The following DNAH14 variants were observed in gnomAD, a reference collection of about 807,000 sequenced individuals.
The protein encoded by DNAH14 is axonemal beta dynein heavy chain 14.
Under a neutral mutation model 520.9 loss-of-function variants are expected in DNAH14, and 478 were observed. The ratio of observed to expected loss-of-function variants is 0.92; its 90% CI spans 0.85 to 0.99. DNAH14 has a LOEUF of 0.99. Ranked by LOEUF, DNAH14 falls within the 50% of genes least tolerant of loss-of-function variation. The pLI is 0.00. For synonymous variants in DNAH14, 1,581 were observed against 1,757.2 expected, an observed-to-expected ratio of 0.90 and a Z score of 2.51; for missense variants, 4,831 against 5,234.5, an observed-to-expected ratio of 0.92 and a Z score of 2.38.
At chr1:225,286,053 AAG>A (rs2093733744) in intron 54 of DNAH14, among the ~76,000 whole-genome samples, 1 of 152,246 alleles carries the variant, frequency 6.6e-6, no homozygotes, top group African/African-American at 2.4e-5. Context: ...TAGGCAAGGA[AAG>A]AGAACTACTG....
chr1:225,106,232 A>T lies in DNAH14; in HGVS notation c.3867+5348A>T, dbSNP rs202155813. ...GCCCCCACTCTCTTCTGGCTTGCAG[A>T]GTTTCTGCCGAGAGACCAGCTGTTA... On this transcript the variant is annotated intron_variant, in intron 23 of 85. Transcript: ENST00000682510. 2.2e-4 allele frequency among the ~76,000 whole-genome samples: 33 copies of T among 151,756 alleles called. No homozygotes were observed. The East Asian group carries it at 6.4e-3, about 29-fold the overall frequency.
At chr1:225,055,082 A>T (rs531927514) in intron 17 of DNAH14, among the ~76,000 whole-genome samples, 1 of 149,218 alleles carries the variant, frequency 6.7e-6, no homozygotes, top group African/African-American at 2.5e-5. Flanking sequence ...TGGGAGTTTT[A>T]TTCTACTTTT....
intron 54 of DNAH14, among the ~76,000 whole-genome samples, chr1:225,289,382 G>A (rs2093815449): frequency 6.6e-6 from 1 of 152,136 alleles, no homozygotes; most frequent in Non-Finnish European, 1.5e-5. Flanking sequence ...GCATAAGTCT[G>A]TAAATGTACT....
chr1:224,994,597 C>T (rs1272299779), intron 8 of DNAH14, among the ~76,000 whole-genome samples: 1 of 151,938 alleles, frequency 6.6e-6, no homozygotes, highest in Non-Finnish European at 1.5e-5. Context: ...TGCAGGCAGC[C>T]TATAGTTCAG....
At chr1:225,141,794 C>T (rs1344498637) in intron 28 of DNAH14, among the ~76,000 whole-genome samples, 2 of 152,210 alleles carry the variant, frequency 1.3e-5, no homozygotes, top group Non-Finnish European at 2.9e-5. Context: ...TAACTCAAAA[C>T]TGCCTTCCTC....
chr1:225,104,673 A>T (rs2075852703), intron 23 of DNAH14, among the ~76,000 whole-genome samples: 1 of 152,132 alleles, frequency 6.6e-6, no homozygotes. Context: ...TTATTTGCAT[A>T]GAGGTGTTGA....
intron 27 of DNAH14, among the ~76,000 whole-genome samples, chr1:225,137,158 A>G (rs2079018294): frequency 6.6e-6 from 1 of 152,164 alleles, no homozygotes; most frequent in Non-Finnish European, 1.5e-5. Flanking sequence ...CTGCCAATTC[A>G]TGTATCTCAG....
chr1:224,990,912 C>G (rs1376945160), intron 8 of DNAH14, among the ~76,000 whole-genome samples: 1 of 152,024 alleles, frequency 6.6e-6, no homozygotes, highest in Non-Finnish European at 1.5e-5. Flanking sequence ...ATTCTCACAA[C>G]ATTGTATAAA....
At chr1:225,393,968 A>G (rs533263472) in intron 84 of DNAH14, among the ~76,000 whole-genome samples, 367 of 151,556 alleles carry the variant, frequency 2.4e-3, no homozygotes, top group East Asian at 0.011. Context: ...ACAGGCGCCC[A>G]CCACCACACC....
chr1:225,128,660 C>T (rs964376392), intron 27 of DNAH14, among the ~76,000 whole-genome samples: 17 of 151,812 alleles, frequency 1.1e-4, no homozygotes, highest in Non-Finnish European at 1.9e-4. Context: ...ATTGATGGGA[C>T]GTATCTCAAA....
chr1:225,079,126 T>A, intron 17 of DNAH14, 81 bp from the exon 18 acceptor site: 1 of 1,246,322 alleles, frequency 8.0e-7, no homozygotes, highest in Non-Finnish European at 1.1e-6. Flanking sequence ...CTTATATAAG[T>A]CAGAGAAATT....
At chr1:225,015,683 T>C (rs1257363210) in intron 10 of DNAH14, among the ~76,000 whole-genome samples, 1 of 152,154 alleles carries the variant, frequency 6.6e-6, no homozygotes, top group African/African-American at 2.4e-5. Flanking sequence ...AATAAGCAAA[T>C]GTTATAGTAA....
At chr1:225,394,568 C>A (rs537490854) in intron 84 of DNAH14, among the ~76,000 whole-genome samples, 2 of 152,118 alleles carry the variant, frequency 1.3e-5, no homozygotes, top group Non-Finnish European at 2.9e-5. Flanking sequence ...GAAGGCCAGG[C>A]ACGGTGGCTC....
intron 15 of DNAH14, among the ~76,000 whole-genome samples, chr1:225,048,389 C>G (rs911969809): frequency 1.3e-5 from 2 of 152,132 alleles, no homozygotes; most frequent in Non-Finnish European, 2.9e-5. Flanking sequence ...GTAATCCCAG[C>G]TACTTGGGAG....
intron 10 of DNAH14, among the ~76,000 whole-genome samples, chr1:225,019,081 G>A (rs2065442230): frequency 6.6e-6 from 1 of 152,160 alleles, no homozygotes; most frequent in African/African-American, 2.4e-5. Context: ...TATTGACCTT[G>A]AATGTAAATG....
intron 61 of DNAH14, among the ~76,000 whole-genome samples, chr1:225,319,987 G>A (rs1302169929): frequency 6.6e-6 from 1 of 152,186 alleles, no homozygotes; most frequent in Non-Finnish European, 1.5e-5. Context: ...AGTAACAGGG[G>A]CCAGTTCTTC....
Position 225,043,786 on chromosome 1 carries a change from ATGAG to A in DNAH14, c.1813_1814+2del. ...GAGTTTGAGAATAAATACATGTATT[ATGAG>A]TAAGTATTAGACATTTTAAAAATTA... On this transcript the variant is annotated splice_donor_variant and coding_sequence_variant, in exon 14 of 86. Transcript: ENST00000682510. LOFTEE classifies it high-confidence loss of function. The A allele has an allele frequency of 6.8e-7, 1 of 1,463,400 alleles. No homozygotes were observed. The highest frequency in any genetic ancestry group is 9.3e-7 in the Non-Finnish European group (1 of 1,069,876). 90.7% of individuals were successfully genotyped at this position (1,463,400 alleles called of 1,614,324 possible). A position where few individuals can be genotyped will look rare whatever the true frequency, so the allele number is the denominator to read the frequency against.
intron 36 of DNAH14, 27 bp downstream of exon 36, chr1:225,168,055 T>C: frequency 7.9e-7 from 1 of 1,263,100 alleles, no homozygotes; most frequent in Non-Finnish European, 1.1e-6. Flanking sequence ...ATGTTAGCAA[T>C]CCTTTGCCTG....
intron 36 of DNAH14, among the ~76,000 whole-genome samples, chr1:225,175,323 C>T (rs938383189): frequency 6.6e-6 from 1 of 152,124 alleles, no homozygotes; most frequent in African/African-American, 2.4e-5. Flanking sequence ...CTTTATTACT[C>T]ATTATTGACC....
Sources: allele counts gnomAD v4.1 joint callset (sites outside exome capture counted in the v4.1 genomes callset), GRCh38; gene constraint gnomAD v4.1.1; transcripts MANE v1.5; gene names NCBI Gene and HGNC (gene_info 2026-07-23, HGNC 2026-07-21).